The following SGCZ variants were observed in gnomAD, a reference collection of about 807,000 sequenced individuals.
SGCZ encodes sarcoglycan zeta.
SGCZ carries 40 observed loss-of-function variants against 41.3 expected under a neutral mutation model. The ratio of observed to expected loss-of-function variants is 0.97; its 90% CI spans 0.75 to 1.26. The LOEUF (loss-of-function observed/expected upper bound fraction) is 1.26, where lower values mean the gene tolerates loss of function less well. Ranked by LOEUF, SGCZ falls within the 50% of genes most tolerant of loss-of-function variation. The probability of loss-of-function intolerance (pLI) is 0.00; values close to 1 mark genes in which losing one functional copy is unlikely to be tolerated. For missense variants in SGCZ, 552 were observed against 369.8 expected, an observed-to-expected ratio of 1.49 and a Z score of -4.04; for synonymous variants, 206 against 137.5, an observed-to-expected ratio of 1.50 and a Z score of -3.49.
At chr8:14,673,268 T>C (rs1405198121) in intron 1 of SGCZ, among the ~76,000 whole-genome samples, 2 of 152,220 alleles carry the variant, frequency 1.3e-5, no homozygotes, top group East Asian at 1.9e-4. Context: ...CATCTCAAAC[T>C]GTAATTCCCA....
intron 2 of SGCZ, among the ~76,000 whole-genome samples, chr8:14,483,296 G>A (rs1470828988): frequency 2.0e-5 from 3 of 152,176 alleles, no homozygotes; most frequent in Non-Finnish European, 2.9e-5. Context: ...GAGGGCTGGT[G>A]CAATGGTTCA....
intron 1 of SGCZ, among the ~76,000 whole-genome samples, chr8:15,076,675 C>T (rs1222044307): frequency 6.6e-6 from 1 of 152,048 alleles, no homozygotes; most frequent in African/African-American, 2.4e-5. Flanking sequence ...GTAGAGATTG[C>T]TCCAAGGTTA....
chr8:14,909,145 C>A (rs949881782), intron 1 of SGCZ, among the ~76,000 whole-genome samples: 1 of 152,122 alleles, frequency 6.6e-6, no homozygotes, highest in Non-Finnish European at 1.5e-5. Flanking sequence ...AATCATTTTA[C>A]TTTAACATCC....
chr8:14,889,545 G>A (rs752326842), intron 1 of SGCZ, among the ~76,000 whole-genome samples: 5 of 151,948 alleles, frequency 3.3e-5, no homozygotes, highest in African/African-American at 9.7e-5. Flanking sequence ...GAAGAGTTGG[G>A]CAAGTAACTT....
At chr8:14,621,156 G>A (rs4626601) in intron 1 of SGCZ, among the ~76,000 whole-genome samples, 12,995 of 151,812 alleles carry the variant, frequency 0.086, 1,243 homozygotes, top group East Asian at 0.52. Flanking sequence ...GATGAAGCTG[G>A]AAACCATCAT....
At chr8:14,485,297 C>T (rs1204299941) in intron 2 of SGCZ, among the ~76,000 whole-genome samples, 1 of 152,154 alleles carries the variant, frequency 6.6e-6, no homozygotes, top group Non-Finnish European at 1.5e-5. Flanking sequence ...AATGCAGTGG[C>T]ATGATCTTGG....
At chr8:14,909,162 C>A (rs1441196045) in intron 1 of SGCZ, among the ~76,000 whole-genome samples, 1 of 152,112 alleles carries the variant, frequency 6.6e-6, no homozygotes, top group Admixed American at 6.5e-5. Context: ...ATCCAGCCCA[C>A]TCCTTATATC....
intron 4 of SGCZ, among the ~76,000 whole-genome samples, chr8:14,173,721 G>A (rs1031126680): frequency 2.6e-5 from 4 of 151,316 alleles, no homozygotes; most frequent in African/African-American, 7.3e-5. Flanking sequence ...CAGGAACAGA[G>A]GATAAAATAA....
intron 1 of SGCZ, among the ~76,000 whole-genome samples, chr8:14,630,158 C>T (rs1435049390): frequency 6.6e-6 from 1 of 151,950 alleles, no homozygotes; most frequent in African/African-American, 2.4e-5. Context: ...TGAATCTTTG[C>T]ATTTGTGGGG....
At position 14,090,570 on chromosome 8, in the gene SGCZ, G is replaced by C. The variant is rs879179850; in HGVS notation, c.812C>G (p.Pro271Arg). The C allele has an allele frequency of 6.2e-7, 1 of 1,612,906 alleles. No homozygotes were observed. Among genetic ancestry groups the C allele is most frequent in the South Asian group, 1.1e-5 (1 of 91,028 alleles). ...TGTCTGTCGAGAACTTGAGGAGCTG[G>C]GTGAAGAAGATGAGAAGGAGCCAGT... ...LPTGSFSSSS[P>R]SSSSSRQTVY... The change falls in exon 8 of 8, where the codon CCC becomes CGC. Residue 271 changes from proline to arginine, a missense_variant. Coordinates refer to ENST00000382080, the MANE Select transcript of SGCZ (RefSeq NM_139167.4).
intron 4 of SGCZ, among the ~76,000 whole-genome samples, chr8:14,175,950 T>C (rs1187481020): frequency 6.6e-6 from 1 of 152,148 alleles, no homozygotes; most frequent in African/African-American, 2.4e-5. Flanking sequence ...AGCATTAATA[T>C]ATCTATTAGG....
chr8:14,442,571 G>A (rs542220952), intron 2 of SGCZ, among the ~76,000 whole-genome samples: 1 of 152,250 alleles, frequency 6.6e-6, no homozygotes, highest in South Asian at 2.1e-4. Flanking sequence ...TTCACCTGGT[G>A]GGTAAGTTTG....
chr8:15,056,658 T>A (rs570270642), intron 1 of SGCZ, among the ~76,000 whole-genome samples: 1 of 152,304 alleles, frequency 6.6e-6, no homozygotes, highest in Non-Finnish European at 1.5e-5. Flanking sequence ...TAAATAAAGT[T>A]TTCTGCCATA....
intron 2 of SGCZ, among the ~76,000 whole-genome samples, chr8:14,514,037 C>A (rs1490629830): frequency 2.0e-5 from 3 of 152,038 alleles, no homozygotes; most frequent in Non-Finnish European, 2.9e-5. Flanking sequence ...CTTTGATGAG[C>A]ATAATAAGAA....
intron 1 of SGCZ, among the ~76,000 whole-genome samples, chr8:14,703,574 T>A (rs1255439976): frequency 6.6e-6 from 1 of 152,058 alleles, no homozygotes; most frequent in Non-Finnish European, 1.5e-5. Context: ...AACTCTATTC[T>A]AGTCTATTTG....
intron 1 of SGCZ, among the ~76,000 whole-genome samples, chr8:15,065,089 G>C (rs188762614): frequency 4.6e-5 from 7 of 152,134 alleles, no homozygotes; most frequent in Admixed American, 3.9e-4. Flanking sequence ...GCCAAATCTG[G>C]ATAATTTCCC....
chr8:14,581,329 C>A (rs1296229309), intron 1 of SGCZ, among the ~76,000 whole-genome samples: 2 of 152,064 alleles, frequency 1.3e-5, no homozygotes, highest in Admixed American at 1.3e-4. Context: ...CTGGTCTCGA[C>A]CTCCTGGCCT....
chr8:15,113,669 A>G (rs938795479), intron 1 of SGCZ, among the ~76,000 whole-genome samples: 9 of 152,296 alleles, frequency 5.9e-5, no homozygotes, highest in Middle Eastern at 6.8e-3. Flanking sequence ...TTCCTCATAC[A>G]GTCTGCCTAA....
chr8:14,106,994 A>G (rs1300123026), intron 6 of SGCZ, among the ~76,000 whole-genome samples: 2 of 152,144 alleles, frequency 1.3e-5, no homozygotes, highest in Non-Finnish European at 2.9e-5. Flanking sequence ...AGGAGGGCGG[A>G]TCAGAAGGTC....
Sources: allele counts gnomAD v4.1 joint callset (sites outside exome capture counted in the v4.1 genomes callset), GRCh38; gene constraint gnomAD v4.1.1; transcripts MANE v1.5; gene names NCBI Gene and HGNC (gene_info 2026-07-23, HGNC 2026-07-21).